The following MTCL2 variants were observed in gnomAD, a reference collection of about 807,000 sequenced individuals.
The protein encoded by MTCL2 is microtubule crosslinking factor 2.
At chr20:36,833,050 C>G in the MTCL2 span, among the ~76,000 whole-genome samples, 1 of 152,222 alleles carries the variant, frequency 6.6e-6, no homozygotes, top group South Asian at 2.1e-4. Flanking sequence ...GATTATTATC[C>G]CCATTCTGAG....
the MTCL2 span, chr20:36,862,817 C>T: frequency 6.2e-5 from 84 of 1,357,394 alleles, no homozygotes; most frequent in Non-Finnish European, 1.2e-5. Flanking sequence ...ACGGCTCGTC[C>T]GGGGAGGCGG....
At chr20:36,856,839 CGT>C in the MTCL2 span, among the ~76,000 whole-genome samples, 113 of 150,302 alleles carry the variant, frequency 7.5e-4, 1 homozygote, top group African/African-American at 1.3e-3. Flanking sequence ...AATGTCACAG[CGT>C]GTGTGTGTGT....
chr20:36,785,014 A>T, the MTCL2 span: 46 of 985,382 alleles, frequency 4.7e-5, 2 homozygotes, highest in African/African-American at 5.2e-4. Flanking sequence ...GAGGGAGGGA[A>T]ATGAGACAGG....
the MTCL2 span, among the ~76,000 whole-genome samples, chr20:36,860,318 A>C: frequency 1.3e-5 from 2 of 152,284 alleles, no homozygotes; most frequent in East Asian, 3.9e-4. Context: ...TGCTCCTGGC[A>C]AACTGTCCCC....
chr20:36,788,201 A>C, the MTCL2 span, among the ~76,000 whole-genome samples: 1 of 61,488 alleles, frequency 1.6e-5, no homozygotes, highest in Non-Finnish European at 5.2e-5. Context: ...ACTCCATCTC[A>C]AAAAAAAAAA....
the MTCL2 span, chr20:36,793,182 C>T: frequency 6.8e-7 from 1 of 1,465,550 alleles, no homozygotes; most frequent in Non-Finnish European, 9.0e-7. This position sits in a 1 kb window ranked among gnomAD's most constrained non-coding sequence, Gnocchi z 6.8. Context: ...ACTTAAAAAC[C>T]AAAAGAGCTT....
chr20:36,838,359 C>T, the MTCL2 span, among the ~76,000 whole-genome samples: 1 of 152,138 alleles, frequency 6.6e-6, no homozygotes. Flanking sequence ...CTTTGGGAGG[C>T]CAAGGCAGGA....
the MTCL2 span, among the ~76,000 whole-genome samples, chr20:36,799,418 G>T: frequency 3.3e-5 from 5 of 152,160 alleles, no homozygotes; most frequent in African/African-American, 1.2e-4. Context: ...TTTGAACGCG[G>T]GAGGCAGAGG....
chr20:36,806,977 T>C, the MTCL2 span, among the ~76,000 whole-genome samples: 1 of 152,176 alleles, frequency 6.6e-6, no homozygotes, highest in Admixed American at 6.5e-5. Context: ...CTGCAGGTCA[T>C]TCCCTTAAAC....
chr20:36,787,088 A>G, the MTCL2 span, among the ~76,000 whole-genome samples: 1 of 151,846 alleles, frequency 6.6e-6, no homozygotes, highest in Non-Finnish European at 1.5e-5. Flanking sequence ...CAGCCTCCCA[A>G]ACTGCTGGAA....
At chr20:36,849,595 T>C in the MTCL2 span, among the ~76,000 whole-genome samples, 1 of 152,150 alleles carries the variant, frequency 6.6e-6, no homozygotes, top group East Asian at 1.9e-4. Flanking sequence ...CCACCATGCC[T>C]GGCTGAATGT....
At chr20:36,802,698 AGT>A in the MTCL2 span, among the ~76,000 whole-genome samples, 1 of 152,236 alleles carries the variant, frequency 6.6e-6, no homozygotes, top group Non-Finnish European at 1.5e-5. Context: ...GCATTCTCTA[AGT>A]GCCTGGATCC....
the MTCL2 span, among the ~76,000 whole-genome samples, chr20:36,820,363 A>G: frequency 6.6e-6 from 1 of 152,166 alleles, no homozygotes; most frequent in Non-Finnish European, 1.5e-5. Flanking sequence ...AGATCACCTA[A>G]AGCCATTCAA....
chr20:36,829,301 G>A, the MTCL2 span: 1 of 1,349,036 alleles, frequency 7.4e-7, no homozygotes. Flanking sequence ...TTCACAGCAG[G>A]GCAACCCTAG....
the MTCL2 span, among the ~76,000 whole-genome samples, chr20:36,799,449 G>A: frequency 2.0e-5 from 3 of 151,840 alleles, no homozygotes; most frequent in Admixed American, 6.6e-5. Context: ...CCAAGATCGC[G>A]CCATTGCACT....
At chr20:36,859,891 T>C in the MTCL2 span, 4 of 1,231,338 alleles carry the variant, frequency 3.2e-6, no homozygotes, top group Non-Finnish European at 4.0e-6. Context: ...TAACACATGC[T>C]TACTCCAAGC....
the MTCL2 span, among the ~76,000 whole-genome samples, chr20:36,817,754 G>A: frequency 5.3e-5 from 8 of 152,292 alleles, no homozygotes; most frequent in Non-Finnish European, 8.8e-5. Context: ...AGTTGGCCTC[G>A]GCGAAGACTT....
chr20:36,785,882 T>C, the MTCL2 span: 1 of 985,976 alleles, frequency 1.0e-6, no homozygotes, highest in Non-Finnish European at 1.2e-6. Flanking sequence ...GCAATGGCCC[T>C]GGCTACTGCC....
At chr20:36,852,279 C>A in the MTCL2 span, among the ~76,000 whole-genome samples, 1 of 151,966 alleles carries the variant, frequency 6.6e-6, no homozygotes, top group Non-Finnish European at 1.5e-5. Flanking sequence ...CATCTGCCAC[C>A]CTGGCTCTGG....
Sources: allele counts gnomAD v4.1 joint callset (sites outside exome capture counted in the v4.1 genomes callset), GRCh38; gene constraint gnomAD v4.1.1; non-coding constraint Gnocchi (gnomAD v3.1); transcripts MANE v1.5; gene names NCBI Gene and HGNC (gene_info 2026-07-23, HGNC 2026-07-21).